SFMBT2: variants seen among roughly 807,000 people sequenced by gnomAD.
The protein encoded by SFMBT2 is Scm like with four mbt domains 2.
A neutral mutation model predicts 110.1 loss-of-function variants in SFMBT2; 38 were observed. That is an observed-to-expected ratio of 0.35 (90% confidence interval 0.27 to 0.45). The LOEUF is 0.45. Ranked by LOEUF, SFMBT2 falls within the 20% of genes least tolerant of loss-of-function variation. The probability of loss-of-function intolerance (pLI) is 1.00; values close to 1 mark genes in which losing one functional copy is unlikely to be tolerated. For missense variants in SFMBT2, 1,011 were observed against 1,094.9 expected (o/e 0.92, Z 1.08); for synonymous variants, 425 against 425.4 (o/e 1.00, Z 0.01).
intron 11 of SFMBT2, 93 bp from the exon 12 acceptor site, chr10:7,206,021 GA>G (rs1839124928): frequency 6.6e-7 from 1 of 1,515,516 alleles, no homozygotes; most frequent in Admixed American, 2.1e-5. Context: ...CTAACATGGG[GA>G]AAAACATTCC....
At chr10:7,337,353 C>G (rs1843747320) in intron 4 of SFMBT2, among the ~76,000 whole-genome samples, 1 of 152,214 alleles carries the variant, frequency 6.6e-6, no homozygotes. Flanking sequence ...TGGTTTGGAT[C>G]TGTGTCCCCA....
At chr10:7,169,601 CT>C (rs367564514) in intron 20 of SFMBT2, among the ~76,000 whole-genome samples, 308 of 151,356 alleles carry the variant, frequency 2.0e-3, no homozygotes, top group African/African-American at 7.2e-3. Context: ...AAAAACAGTA[CT>C]TTTTTTTTAA....
chr10:7,273,610 C>T (rs1841675587), intron 7 of SFMBT2, among the ~76,000 whole-genome samples: 1 of 152,214 alleles, frequency 6.6e-6, no homozygotes, highest in Non-Finnish European at 1.5e-5. Flanking sequence ...TCTCCTAATG[C>T]TATCCCTCCC....
Position 7,243,680 on chromosome 10 carries a change from A to T in SFMBT2, c.998T>A (p.Val333Glu). Reference protein sequence around the residue: ...TKVFNNHFFQVTIDDLRPEPS... With the variant: ...TKVFNNHFFQETIDDLRPEPS... ...TTCAGGTCTTAGGTCATCAATAGTC[A>T]CTTGAAAAAAGTGATTGTTAAAAAC... The change falls in exon 9 of 21, where the codon GTG (valine) becomes GAG (glutamate). Residue 333 changes from valine to glutamate, a missense_variant. By Grantham distance (121) the Val-to-Glu change is moderately radical (BLOSUM62 -2). This residue lies in a region of SFMBT2 where 979 missense variants were observed against 1,016.1 expected (regional missense o/e 0.96). Transcript: ENST00000397167. The T allele has an allele frequency of 1.1e-6, 1 of 872,552 alleles. No homozygotes were observed. The highest frequency in any genetic ancestry group is 2.0e-6 in the Non-Finnish European group (1 of 501,602). The allele number at this position is 872,552 out of a possible 1,614,324, so 54.1% of individuals were successfully genotyped here.
chr10:7,376,281 T>G (rs143667145), intron 2 of SFMBT2, among the ~76,000 whole-genome samples: 1 of 152,312 alleles, frequency 6.6e-6, no homozygotes, highest in Non-Finnish European at 1.5e-5. Flanking sequence ...CCACAGATCC[T>G]GAGCTATTTC....
chr10:7,297,919 C>T (rs1842449737), intron 4 of SFMBT2, among the ~76,000 whole-genome samples: 3 of 152,210 alleles, frequency 2.0e-5, no homozygotes, highest in Admixed American at 2.0e-4. Flanking sequence ...CTGTTATCAG[C>T]ACCCCCACCA....
At chr10:7,169,129 AT>A (rs560366619) in intron 20 of SFMBT2, among the ~76,000 whole-genome samples, 56 of 146,980 alleles carry the variant, frequency 3.8e-4, no homozygotes, top group East Asian at 9.8e-4. Context: ...CGCCCAGCTA[AT>A]TTTTTTTTTT....
chr10:7,403,843 A>T (rs60825493), intron 1 of SFMBT2, among the ~76,000 whole-genome samples: 3 of 152,110 alleles, frequency 2.0e-5, no homozygotes, highest in African/African-American at 7.2e-5. Context: ...GGATGACAAA[A>T]CTCTCCTAAA....
chr10:7,214,369 T>A (rs1839460855), intron 11 of SFMBT2, among the ~76,000 whole-genome samples: 1 of 152,096 alleles, frequency 6.6e-6, no homozygotes, highest in Non-Finnish European at 1.5e-5. Context: ...ATGAAGCAAG[T>A]GGAGAAGGAA....
chr10:7,242,422 C>A (rs10905132), intron 9 of SFMBT2, among the ~76,000 whole-genome samples: 1 of 152,016 alleles, frequency 6.6e-6, no homozygotes, highest in Non-Finnish European at 1.5e-5. Flanking sequence ...AATGACCCTG[C>A]GCAAGTTATA....
chr10:7,324,274 T>A (rs1221790415), intron 4 of SFMBT2, among the ~76,000 whole-genome samples: 1 of 152,190 alleles, frequency 6.6e-6, no homozygotes, highest in African/African-American at 2.4e-5. Context: ...TCTAGTATGT[T>A]TGTGGGAAAC....
chr10:7,261,607 G>T (rs1477425655), intron 7 of SFMBT2, among the ~76,000 whole-genome samples: 1 of 152,198 alleles, frequency 6.6e-6, no homozygotes, highest in Admixed American at 6.5e-5. Flanking sequence ...GCAGGGAAAA[G>T]AATAAATCCT....
rs769902950 is a variant in SFMBT2 at position 7,328,911 on chromosome 10, TC to T, written c.436+38737del. Among the ~76,000 whole-genome samples, 4 of 152,182 alleles carry T rather than the reference TC, an allele frequency of 2.6e-5. No individual in the cohort carries two copies. The East Asian group carries it at 7.7e-4, about 29-fold the overall frequency. On this transcript the variant is annotated intron_variant, in intron 4 of 20. Coordinates refer to ENST00000397167, the MANE Select transcript of SFMBT2 (RefSeq NM_001387889.1). The stretch of plus-strand genomic sequence containing the variant: ...ACTATACAGGAGCAGAAGGCTGCCT[TC>T]CCCAGTGATTTAAATCCAGGCATTA...
chr10:7,404,051 G>A (rs761266621), intron 1 of SFMBT2, among the ~76,000 whole-genome samples: 2 of 152,192 alleles, frequency 1.3e-5, no homozygotes, highest in Non-Finnish European at 2.9e-5. Context: ...TGCTTGTATC[G>A]AAATATCACA....
chr10:7,191,868 T>A (rs1293000843), intron 15 of SFMBT2, among the ~76,000 whole-genome samples: 1 of 152,194 alleles, frequency 6.6e-6, no homozygotes, highest in African/African-American at 2.4e-5. Flanking sequence ...ATCTAAAAAT[T>A]AACAATAAAT....
chr10:7,350,084 C>T (rs1435314286), intron 4 of SFMBT2, among the ~76,000 whole-genome samples: 1 of 152,198 alleles, frequency 6.6e-6, no homozygotes, highest in Non-Finnish European at 1.5e-5. Flanking sequence ...CCCCACTCCA[C>T]AGCCTTCTTC....
intron 15 of SFMBT2, among the ~76,000 whole-genome samples, chr10:7,193,417 A>G (rs1261909615): frequency 1.3e-5 from 2 of 152,360 alleles, no homozygotes; most frequent in South Asian, 4.1e-4. Flanking sequence ...AGGCTCCCCA[A>G]GTCTCTGAGA....
chr10:7,399,307 A>T, intron 1 of SFMBT2, among the ~76,000 whole-genome samples: 1 of 152,044 alleles, frequency 6.6e-6, no homozygotes, highest in South Asian at 2.1e-4. Flanking sequence ...ATCTTGGTTC[A>T]CTGCAACCTC....
At chr10:7,371,688 G>C (rs1424213838) in intron 2 of SFMBT2, among the ~76,000 whole-genome samples, 2 of 152,154 alleles carry the variant, frequency 1.3e-5, no homozygotes, top group African/African-American at 2.4e-5. Flanking sequence ...ATGCACACGA[G>C]AGTTCCAAAA....
Sources: gnomAD v4.1 joint callset for allele counts (sites outside exome capture counted in the v4.1 genomes callset) on GRCh38, gnomAD v4.1.1 for gene constraint, gnomAD v4.1.1 regional missense constraint, MANE v1.5 for transcripts, NCBI Gene and HGNC (gene_info 2026-07-23, HGNC 2026-07-21) for gene names.